ARL15: variants seen among roughly 807,000 people sequenced by gnomAD.
The protein encoded by ARL15 is ADP-ribosylation factor-like protein 15.
In ARL15, 19 loss-of-function variants were observed where a neutral mutation model predicts 25.2. The observed-to-expected ratio is 0.75, with a 90% confidence interval of 0.53 to 1.10. ARL15 has a LOEUF of 1.10. ARL15 is among the 50% of genes least tolerant of loss of function. ARL15 has a pLI of 0.00. For missense variants in ARL15, 220 were observed against 246.0 expected, an observed-to-expected ratio of 0.89 and a Z score of 0.71; for synonymous variants, 94 against 86.8, an observed-to-expected ratio of 1.08 and a Z score of -0.46.
intron 2 of ARL15, among the ~76,000 whole-genome samples, chr5:54,161,100 A>T (rs1269716946): frequency 2.0e-5 from 3 of 152,128 alleles, no homozygotes; most frequent in Non-Finnish European, 4.4e-5. Context: ...TTTAATTTTT[A>T]AATAGAAGAC....
chr5:54,000,292 T>A (rs1748810672), intron 4 of ARL15, among the ~76,000 whole-genome samples: 1 of 152,170 alleles, frequency 6.6e-6, no homozygotes, highest in Admixed American at 6.5e-5. Context: ...TTTTCAATCT[T>A]TTGAAAACCT....
intron 4 of ARL15, among the ~76,000 whole-genome samples, chr5:54,015,907 G>A (rs144333455): frequency 6.6e-6 from 1 of 152,106 alleles, no homozygotes; most frequent in African/African-American, 2.4e-5. Context: ...CAGGAAGAAG[G>A]CTGCTCTATT....
At chr5:53,908,991 C>A (rs1349100391) in intron 4 of ARL15, among the ~76,000 whole-genome samples, 1 of 152,150 alleles carries the variant, frequency 6.6e-6, no homozygotes, top group Non-Finnish European at 1.5e-5. Context: ...CTGTTCAGAA[C>A]AGGAAAAGTT....
At chr5:54,205,735 T>C (rs1156368155) in intron 1 of ARL15, among the ~76,000 whole-genome samples, 1 of 152,190 alleles carries the variant, frequency 6.6e-6, no homozygotes, top group African/African-American at 2.4e-5. Context: ...GGACTAAATA[T>C]GTGAAAGCCA....
chr5:54,122,454 G>A (rs1383347904), intron 3 of ARL15, among the ~76,000 whole-genome samples: 3 of 152,222 alleles, frequency 2.0e-5, no homozygotes, highest in African/African-American at 4.8e-5. Context: ...GCGTGTATAC[G>A]CATACCTTTG....
At chr5:54,092,918 T>C (rs1330359757) in intron 4 of ARL15, among the ~76,000 whole-genome samples, 2 of 152,318 alleles carry the variant, frequency 1.3e-5, no homozygotes, top group African/African-American at 2.4e-5. Context: ...TAAAACAATA[T>C]ATCATAAATT....
intron 1 of ARL15, among the ~76,000 whole-genome samples, chr5:54,268,089 T>C (rs1427251932): frequency 6.6e-6 from 1 of 152,030 alleles, no homozygotes; most frequent in Non-Finnish European, 1.5e-5. Flanking sequence ...ATTCTCCCCG[T>C]CACTTTCAGG....
At chr5:53,893,889 C>T (rs1464706371) in intron 4 of ARL15, among the ~76,000 whole-genome samples, 1 of 152,166 alleles carries the variant, frequency 6.6e-6, no homozygotes, top group Non-Finnish European at 1.5e-5. Flanking sequence ...GTCTAGAGAG[C>T]AGCACCAGCT....
At chr5:53,887,936 T>C (rs1368710873) in intron 4 of ARL15, among the ~76,000 whole-genome samples, 2 of 151,570 alleles carry the variant, frequency 1.3e-5, no homozygotes, top group Non-Finnish European at 1.5e-5. Context: ...CATTTTTTCA[T>C]ATAAGCCAGA....
At chr5:54,219,248 T>C (rs926020591) in intron 1 of ARL15, among the ~76,000 whole-genome samples, 1 of 152,210 alleles carries the variant, frequency 6.6e-6, no homozygotes, top group African/African-American at 2.4e-5. Flanking sequence ...TGAGGCAGTA[T>C]TCAAAACACA....
intron 4 of ARL15, among the ~76,000 whole-genome samples, chr5:53,925,017 T>A (rs1745972256): frequency 2.6e-5 from 4 of 152,116 alleles, no homozygotes; most frequent in Admixed American, 2.6e-4. Flanking sequence ...AGAAGTCTCC[T>A]TCTACTGCCT....
At chr5:54,190,335 G>T in intron 1 of ARL15, among the ~76,000 whole-genome samples, 1 of 151,700 alleles carries the variant, frequency 6.6e-6, no homozygotes, top group East Asian at 1.9e-4. Context: ...GGAGGTTGCA[G>T]TGAGCCAAGA....
intron 1 of ARL15, among the ~76,000 whole-genome samples, chr5:54,289,280 C>T (rs896549298): frequency 6.6e-6 from 1 of 151,890 alleles, no homozygotes; most frequent in Admixed American, 6.6e-5. Flanking sequence ...AAAGTCCCTG[C>T]TCTTATGGAG....
chr5:54,025,413 A>C (rs1264811232), intron 4 of ARL15, among the ~76,000 whole-genome samples: 1 of 152,198 alleles, frequency 6.6e-6, no homozygotes, highest in Non-Finnish European at 1.5e-5. Context: ...ATTTAATTCA[A>C]TTTCTTAAAA....
chr5:53,918,399 C>T (rs1745726990), intron 4 of ARL15, among the ~76,000 whole-genome samples: 1 of 151,928 alleles, frequency 6.6e-6, no homozygotes, highest in Admixed American at 6.6e-5. Context: ...CACTATGTTG[C>T]CCAAGCTGGT....
intron 4 of ARL15, among the ~76,000 whole-genome samples, chr5:54,096,601 G>A (rs1177042308): frequency 4.6e-5 from 7 of 152,076 alleles, no homozygotes; most frequent in African/African-American, 1.7e-4. Context: ...AGTAGAGATG[G>A]GGTTTCACCA....
intron 4 of ARL15, among the ~76,000 whole-genome samples, chr5:54,046,954 A>C (rs2111970454): frequency 6.6e-6 from 1 of 152,310 alleles, no homozygotes; most frequent in East Asian, 1.9e-4. Context: ...TGAATGCTCA[A>C]CATGCTCGGT....
intron 4 of ARL15, among the ~76,000 whole-genome samples, chr5:53,887,604 C>T (rs996579638): frequency 1.3e-5 from 2 of 152,148 alleles, no homozygotes; most frequent in African/African-American, 4.8e-5. Context: ...GTTCAGGAAG[C>T]TCCCGACTCA....
intron 4 of ARL15, among the ~76,000 whole-genome samples, chr5:54,010,676 T>C (rs1749206524): frequency 6.6e-6 from 1 of 152,024 alleles, no homozygotes; most frequent in Non-Finnish European, 1.5e-5. Context: ...ATTTTATTGA[T>C]CCCAACAATG....
Sources: gnomAD v4.1 joint callset for allele counts (sites outside exome capture counted in the v4.1 genomes callset) on GRCh38, gnomAD v4.1.1 for gene constraint, MANE v1.5 for transcripts, NCBI Gene and HGNC (gene_info 2026-07-23, HGNC 2026-07-21) for gene names.